The following DACH2 variants were observed in gnomAD, a reference collection of about 807,000 sequenced individuals.
DACH2 encodes the protein dachshund homolog 2.
In DACH2, 17 loss-of-function variants were observed where a neutral mutation model predicts 35.8. The observed-to-expected ratio is 0.48, with a 90% confidence interval of 0.33 to 0.71. The LOEUF (loss-of-function observed/expected upper bound fraction) is 0.71. DACH2 is among the 30% of genes least tolerant of loss of function. The pLI is 0.02. For missense variants in DACH2, 469 were observed against 472.7 expected, an observed-to-expected ratio of 0.99 and a Z score of 0.07; for synonymous variants, 195 against 177.3, an observed-to-expected ratio of 1.10 and a Z score of -0.79.
intron 4 of DACH2, among the ~76,000 whole-genome samples, chrX:86,660,003 A>G (rs2040588104): frequency 9.0e-6 from 1 of 111,005 alleles, no homozygotes; most frequent in African/African-American, 3.3e-5. Flanking sequence ...GGTTAGTGTC[A>G]TGGGATCAAA....
chrX:86,658,091 T>C (rs558377029), intron 4 of DACH2, among the ~76,000 whole-genome samples: 30 of 111,452 alleles, frequency 2.7e-4, no homozygotes, highest in African/African-American at 9.7e-4. Context: ...ACTATCTTCC[T>C]AGAGGGTATG....
chrX:86,401,729 GA>G lies in DACH2; in HGVS notation c.527+24879del, dbSNP rs1280100004. ...AGTGAGACAGTGACAAAAAAAAAAA[GA>G]AAAAAAAAAAACTTCAGATTAATGC... On this transcript the variant is annotated intron_variant, in intron 2 of 11. Transcript: ENST00000373125. Among the ~76,000 whole-genome samples, 76 of 89,973 alleles carry G rather than the reference GA, an allele frequency of 8.4e-4. 1 individual carries two copies. Among genetic ancestry groups the G allele is most frequent in the South Asian group, 2.1e-3 (4 of 1,901 alleles). 78.1% of individuals were successfully genotyped at this position (89,973 alleles called of 115,157 possible).
intron 1 of DACH2, among the ~76,000 whole-genome samples, chrX:86,290,338 G>C (rs369402033): frequency 0.14 from 9,388 of 65,124 alleles, 1,134 homozygotes; most frequent in African/African-American, 0.31. Flanking sequence ...TGTCAGATGA[G>C]TAGGTTGCAA....
intron 1 of DACH2, among the ~76,000 whole-genome samples, chrX:86,292,012 G>C (rs1414344514): frequency 8.9e-5 from 6 of 67,791 alleles, no homozygotes; most frequent in African/African-American, 2.8e-4. Context: ...ATGAGTTCCT[G>C]CTTGTACCTC....
intron 2 of DACH2, among the ~76,000 whole-genome samples, chrX:86,398,626 T>A (rs1189639642): frequency 8.9e-6 from 1 of 112,135 alleles, no homozygotes; most frequent in Non-Finnish European, 1.9e-5. Flanking sequence ...TATCTTTATT[T>A]CTGCCTTCAT....
At chrX:86,168,747 C>G (rs1347823098) in intron 1 of DACH2, among the ~76,000 whole-genome samples, 1 of 109,153 alleles carries the variant, frequency 9.2e-6, no homozygotes, top group Non-Finnish European at 1.9e-5. Flanking sequence ...GCTGAAAAAA[C>G]TACACTTTGC....
intron 1 of DACH2, among the ~76,000 whole-genome samples, chrX:86,259,927 T>C (rs955616809): frequency 3.6e-5 from 4 of 111,510 alleles, no homozygotes; most frequent in African/African-American, 1.3e-4. Flanking sequence ...AAACATAGAC[T>C]GCAATAAGGA....
intron 3 of DACH2, among the ~76,000 whole-genome samples, chrX:86,536,759 C>T (rs1473792603): frequency 8.9e-6 from 1 of 111,833 alleles, no homozygotes; most frequent in East Asian, 2.8e-4. Flanking sequence ...CATCTGTCTC[C>T]TCAAAATGTA....
chrX:86,637,241 A>C (rs12010997), intron 3 of DACH2, among the ~76,000 whole-genome samples: 4,166 of 77,211 alleles, frequency 0.054, 54 homozygotes, highest in East Asian at 0.17. Flanking sequence ...AAAAAAAAAA[A>C]AAAAACAGAT....
intron 2 of DACH2, among the ~76,000 whole-genome samples, chrX:86,418,712 C>T (rs1295704985): frequency 9.0e-6 from 1 of 111,192 alleles, no homozygotes; most frequent in Non-Finnish European, 1.9e-5. Flanking sequence ...TCTGACATGC[C>T]CTGGAGACAT....
At chrX:86,761,197 C>T (rs916267465) in intron 7 of DACH2, among the ~76,000 whole-genome samples, 6 of 110,196 alleles carry the variant, frequency 5.4e-5, no homozygotes, top group African/African-American at 2.0e-4. Context: ...CCTCCCCTTT[C>T]CCCCCATCCC....
chrX:86,381,835 TA>T (rs886546896), intron 2 of DACH2, among the ~76,000 whole-genome samples: 5 of 110,677 alleles, frequency 4.5e-5, no homozygotes, highest in African/African-American at 1.3e-4. Flanking sequence ...CAAGGACAGT[TA>T]GGGGTGGATG....
chrX:86,159,127 T>A lies in DACH2; in HGVS notation c.488+10019T>A, dbSNP rs927185754. ...TATAAAACATGCAACTGTGGATTTT[T>A]AAAAAAATTATGTTAAAAAGCTTGC... is the stretch of plus-strand genomic sequence containing the variant. On this transcript the variant is annotated intron_variant, in intron 1 of 11. Coordinates refer to ENST00000373125, the MANE Select transcript of DACH2 (RefSeq NM_053281.3). 9.0e-4 allele frequency among the ~76,000 whole-genome samples: 100 copies of A among 111,367 alleles called. 1 individual carries two copies. Among genetic ancestry groups the A allele is most frequent in the African/African-American group, 3.0e-3 (93 of 30,722 alleles).
intron 7 of DACH2, among the ~76,000 whole-genome samples, chrX:86,746,122 G>A (rs2041709824): frequency 9.0e-6 from 1 of 111,617 alleles, no homozygotes; most frequent in Admixed American, 9.5e-5. Context: ...TTCATTGCAT[G>A]GATACATCAT....
intron 4 of DACH2, among the ~76,000 whole-genome samples, chrX:86,660,250 T>C (rs1404673687): frequency 9.0e-6 from 1 of 110,833 alleles, no homozygotes; most frequent in Non-Finnish European, 1.9e-5. Context: ...AAATAAATTA[T>C]ATCTATTGCT....
intron 1 of DACH2, among the ~76,000 whole-genome samples, chrX:86,370,533 G>A (rs1478418896): frequency 9.0e-6 from 1 of 111,045 alleles, no homozygotes; most frequent in African/African-American, 3.3e-5. Flanking sequence ...ACCGGAGGCT[G>A]GCTAGAACCC....
At chrX:86,754,246 C>T (rs1236949421) in intron 7 of DACH2, among the ~76,000 whole-genome samples, 1 of 109,953 alleles carries the variant, frequency 9.1e-6, no homozygotes, top group African/African-American at 3.3e-5. Context: ...GAAAGAAGTA[C>T]TGAACTGAAA....
chrX:86,382,492 ACACACACACACACG>A (rs1466623382), intron 2 of DACH2, among the ~76,000 whole-genome samples: 8 of 63,855 alleles, frequency 1.3e-4, no homozygotes, highest in South Asian at 9.5e-4. Flanking sequence ...ACACACACAC[ACACACACACACACG>A]TCCTCTTGCC....
At chrX:86,529,371 G>A (rs1212715275) in intron 3 of DACH2, among the ~76,000 whole-genome samples, 1 of 109,220 alleles carries the variant, frequency 9.2e-6, no homozygotes, top group African/African-American at 3.3e-5. Context: ...CTATCAAACT[G>A]TATGATTCTA....
Sources: allele counts gnomAD v4.1 joint callset (sites outside exome capture counted in the v4.1 genomes callset), GRCh38; gene constraint gnomAD v4.1.1; transcripts MANE v1.5; gene names NCBI Gene and HGNC (gene_info 2026-07-23, HGNC 2026-07-21).